CAV3: variants seen among roughly 807,000 people sequenced by gnomAD.
CAV3 encodes the protein caveolin-3.
A neutral mutation model predicts 13.4 loss-of-function variants in CAV3; 10 were observed. The observed-to-expected ratio is 0.75, with a 90% CI of 0.46 to 1.27. CAV3 has a LOEUF of 1.27. CAV3 is among the 50% of genes most tolerant of loss of function. The pLI is 0.00. For synonymous variants in CAV3, 90 were observed against 79.0 expected, an observed-to-expected ratio of 1.14 and a Z score of -0.74; for missense variants, 162 against 194.0, an observed-to-expected ratio of 0.83 and a Z score of 0.98.
At chr3:8,738,328 C>T (rs1372970751) in intron 1 of CAV3, among the ~76,000 whole-genome samples, 2 of 152,228 alleles carry the variant, frequency 1.3e-5, no homozygotes, top group Admixed American at 1.3e-4. Flanking sequence ...CCCATTTGCC[C>T]CCCGGCTCAG....
chr3:8,741,523 C>T (rs1575472274), intron 1 of CAV3, among the ~76,000 whole-genome samples: 7 of 152,066 alleles, frequency 4.6e-5, no homozygotes, highest in South Asian at 2.1e-4. Context: ...TTGGCCCAAT[C>T]GTCTCTGTGT....
chr3:8,734,927 C>G (rs1707697513), intron 1 of CAV3, among the ~76,000 whole-genome samples: 1 of 152,150 alleles, frequency 6.6e-6, no homozygotes, highest in Non-Finnish European at 1.5e-5. Flanking sequence ...TTATGTTGAC[C>G]AAGCTGGTAT....
At position 8,744,258 on chromosome 3, in the gene CAV3, T is replaced by C. The variant is rs11925387; in HGVS notation, c.115-1268T>C. Among the ~76,000 whole-genome samples the C allele has an allele frequency of 6.1e-3, 923 of 151,854 alleles. 10 individuals are homozygous for C. Among genetic ancestry groups the C allele is most frequent in the African/African-American group, 0.021 (881 of 41,318 alleles). On this transcript the variant is annotated intron_variant, in intron 1 of 1. Transcript: ENST00000343849. ...AAGCAGCTAATTTGGTTCACTGCTG[T>C]TTAATTGACCAGTGGAATTTTTTTT... is the stretch of plus-strand genomic sequence containing the variant.
rs778563715 is a variant in CAV3 at position 8,745,653 on chromosome 3, G to A, written c.242G>A (p.Gly81Asp). 6.2e-7 allele frequency: 1 copy of A among 1,614,082 alleles called. No homozygotes were observed. The highest frequency in any genetic ancestry group is 8.5e-7 in the Non-Finnish European group (1 of 1,180,002). Residue 81 changes from glycine to aspartate, a missense_variant, in exon 2 of 2, where the codon GGC (glycine) becomes GAC (aspartate). Gly to Asp is a moderately conservative substitution (Grantham distance 94). Transcript: ENST00000343849. The surrounding 1 kb of genome is among the most constrained non-coding windows in gnomAD (Gnocchi z 4.8). The stretch of plus-strand genomic sequence containing the variant: ...TACCGTCTGTTGTCCACGCTGCTGG[G>A]CGTCCCACTGGCCCTGCTCTGGGGC... ...WCYRLLSTLL[G>D]VPLALLWGFL...
chr3:8,740,678 A>G (rs1575471387), intron 1 of CAV3, among the ~76,000 whole-genome samples: 1 of 152,222 alleles, frequency 6.6e-6, no homozygotes, highest in Non-Finnish European at 1.5e-5. Flanking sequence ...GTAGACCTGG[A>G]GCTGAAAAGA....
rs759446749 is a variant in CAV3, at chr3:8,745,576, C to T, written c.165C>T (p.Asp55=). Residue 55 remains aspartate (D), a synonymous_variant, in exon 2 of 2, where the codon GAC becomes GAT. Coordinates refer to ENST00000343849, the MANE Select transcript of CAV3 (RefSeq NM_033337.3). This position sits in a 1 kb window ranked among gnomAD's most constrained non-coding sequence, Gnocchi z 4.8. ...IAEPVGTYSF[D]GVWKVSYTTF... ...AGCCTGTGGGCACCTACAGCTTTGA[C>T]GGCGTGTGGAAGGTGAGCTACACCA... The T allele has an allele frequency of 9.3e-6, 15 of 1,614,002 alleles. No individual in the cohort carries two copies. The highest frequency in any genetic ancestry group is 6.6e-5 in the South Asian group (6 of 91,064).
chr3:8,746,429 C>G lies in CAV3; in HGVS notation c.*562C>G, dbSNP rs1032586258. ...TGTAAGTGAAGAACAGAGTCTTTTT[C>G]TTCTTCGGATTCTATTGTTTGCTGG... On this transcript the variant is annotated 3_prime_UTR_variant, in exon 2 of 2. Coordinates refer to ENST00000343849, the MANE Select transcript of CAV3 (RefSeq NM_033337.3). The G allele has an allele frequency of 3.3e-5, 5 of 153,310 alleles. No individual in the cohort carries two copies. Among genetic ancestry groups the G allele is most frequent in the African/African-American group, 1.2e-4 (5 of 41,446 alleles). The allele number at this position is 153,310 out of a possible 1,614,324, so 9.5% of individuals were successfully genotyped here. A position where few individuals can be genotyped will look rare whatever the true frequency, so the allele number is the denominator to read the frequency against.
At chr3:8,743,059 T>C (rs1183677503) in intron 1 of CAV3, among the ~76,000 whole-genome samples, 1 of 151,630 alleles carries the variant, frequency 6.6e-6, no homozygotes, top group Non-Finnish European at 1.5e-5. Flanking sequence ...TGCCGGGTTC[T>C]TTTAAACAAC....
chr3:8,738,802 G>A (rs1055795190), intron 1 of CAV3, among the ~76,000 whole-genome samples: 1 of 152,178 alleles, frequency 6.6e-6, no homozygotes, highest in Non-Finnish European at 1.5e-5. Context: ...TGGCAGACAT[G>A]ACAATGGATC....
chr3:8,741,356 C>T (rs1285696991), intron 1 of CAV3, among the ~76,000 whole-genome samples: 3 of 152,196 alleles, frequency 2.0e-5, no homozygotes, highest in African/African-American at 7.2e-5. Flanking sequence ...TAAGCACTCT[C>T]AACTTCTATA....
At position 8,745,631 on chromosome 3, in the gene CAV3, C is replaced by T. The variant is rs780407324; in HGVS notation, c.220C>T (p.Arg74Cys). ...CACTGTCTCCAAGTACTGGTGCTAC[C>T]GTCTGTTGTCCACGCTGCTGGGCGT... is the stretch of plus-strand genomic sequence containing the variant. ...TFTVSKYWCY[R>C]LLSTLLGVPL... The change falls in exon 2 of 2, where the codon CGT (arginine) becomes TGT (cysteine). Residue 74 changes from arginine to cysteine, a missense_variant. Transcript: ENST00000343849. This position sits in a 1 kb window ranked among gnomAD's most constrained non-coding sequence, Gnocchi z 4.8. The T allele has an allele frequency of 1.2e-6, 2 of 1,613,950 alleles. No individual in the cohort carries two copies. Among genetic ancestry groups the T allele is most frequent in the East Asian group, 2.2e-5 (1 of 44,880 alleles).
At chr3:8,741,767 G>C (rs1245216241) in intron 1 of CAV3, among the ~76,000 whole-genome samples, 1 of 152,084 alleles carries the variant, frequency 6.6e-6, no homozygotes, top group Non-Finnish European at 1.5e-5. Context: ...TCGACCCCGG[G>C]TGACTGTTGT....
chr3:8,737,115 A>G (rs181482016), intron 1 of CAV3, among the ~76,000 whole-genome samples: 4 of 152,270 alleles, frequency 2.6e-5, no homozygotes, highest in Non-Finnish European at 5.9e-5. Flanking sequence ...AAAGGGAATG[A>G]GGGAGACAGA....
chr3:8,741,226 G>A (rs62242632), intron 1 of CAV3, among the ~76,000 whole-genome samples: 20,273 of 152,118 alleles, frequency 0.13, 1,625 homozygotes, highest in African/African-American at 0.23. Context: ...TTTGCAAAAC[G>A]CAACAAAAAT....
At chr3:8,744,763 C>T (rs1708094705) in intron 1 of CAV3, 1 of 152,270 alleles carries the variant, frequency 6.6e-6, no homozygotes. Context: ...CCGTCCAACA[C>T]CCTTCAGATC....
rs1448998581 is a variant in CAV3, at chr3:8,746,044, C to T, written c.*177C>T. Reference sequence around the variant, plus strand: ...AGAAAAGACGGCCCAGCCACAGAAGCACAATGGCCCTTCGCTCTCCCCCAG... The same window carrying T: ...AGAAAAGACGGCCCAGCCACAGAAGTACAATGGCCCTTCGCTCTCCCCCAG... On this transcript the variant is annotated 3_prime_UTR_variant, in exon 2 of 2. Transcript: ENST00000343849. The T allele has an allele frequency of 3.4e-6, 2 of 595,210 alleles. No individual in the cohort carries two copies. Among genetic ancestry groups the T allele is most frequent in the East Asian group, 5.6e-5 (2 of 35,972 alleles). The allele number at this position is 595,210 out of a possible 1,614,324, so 36.9% of individuals were successfully genotyped here.
chr3:8,743,173 G>T (rs1186810197), intron 1 of CAV3, among the ~76,000 whole-genome samples: 1 of 152,138 alleles, frequency 6.6e-6, no homozygotes, highest in Non-Finnish European at 1.5e-5. Context: ...CCTCCCACCA[G>T]GCCCCATCTT....
chr3:8,736,562 C>G (rs1179350106), intron 1 of CAV3, among the ~76,000 whole-genome samples: 2 of 152,188 alleles, frequency 1.3e-5, no homozygotes, highest in East Asian at 3.9e-4. Context: ...TTCTAAAGGG[C>G]ACCCACAATG....
intron 1 of CAV3, among the ~76,000 whole-genome samples, chr3:8,734,244 G>A (rs1343378082): frequency 6.6e-6 from 1 of 151,950 alleles, no homozygotes; most frequent in Non-Finnish European, 1.5e-5. Context: ...CAGGGCAGGA[G>A]GAGCGAGTCA....
Sources: allele counts gnomAD v4.1 joint callset (sites outside exome capture counted in the v4.1 genomes callset), GRCh38; gene constraint gnomAD v4.1.1; non-coding constraint Gnocchi (gnomAD v3.1); transcripts MANE v1.5; gene names NCBI Gene and HGNC (gene_info 2026-07-23, HGNC 2026-07-21).